The following MINDY2 variants were observed in gnomAD, a reference collection of about 807,000 sequenced individuals.
MINDY2 encodes ubiquitin carboxyl-terminal hydrolase MINDY-2.
MINDY2 carries 52 observed loss-of-function variants against 68.2 expected under a neutral mutation model. The ratio of observed to expected loss-of-function variants is 0.76; its 90% confidence interval spans 0.61 to 0.96. The LOEUF (loss-of-function observed/expected upper bound fraction) is 0.96. Ranked by LOEUF, MINDY2 falls within the 40% of genes least tolerant of loss-of-function variation. The pLI, the probability that MINDY2 is intolerant of heterozygous loss-of-function variation, is 0.00. For missense variants in MINDY2, 881 were observed against 773.4 expected, an observed-to-expected ratio of 1.14 and a Z score of -1.65; for synonymous variants, 372 against 303.0, an observed-to-expected ratio of 1.23 and a Z score of -2.36.
At chr15:58,792,232 A>G (rs551379355) in intron 2 of MINDY2, among the ~76,000 whole-genome samples, 5 of 152,354 alleles carry the variant, frequency 3.3e-5, no homozygotes, top group Admixed American at 1.3e-4. Flanking sequence ...AAAAAGTTAA[A>G]CAGAATTACC....
In MINDY2 at chr15:58,844,201, T is replaced by G. The variant is rs1233593507; in HGVS notation, c.1369-3096T>G. Among the ~76,000 whole-genome samples the G allele has an allele frequency of 2.0e-5, 3 of 152,158 alleles. No homozygotes were observed. The East Asian group carries it at 5.8e-4, about 29-fold the overall frequency. On this transcript the variant is annotated intron_variant, in intron 6 of 8. Transcript: ENST00000559228. Reference sequence around the variant, plus strand: ...TGGGCCTAAACTAGTACTATAGTCATAGATATTTTGCTATTCTATGCTATA... The same window carrying G: ...TGGGCCTAAACTAGTACTATAGTCAGAGATATTTTGCTATTCTATGCTATA...
At chr15:58,838,491 A>T (rs1567070823) in intron 6 of MINDY2, among the ~76,000 whole-genome samples, 1 of 152,062 alleles carries the variant, frequency 6.6e-6, no homozygotes, top group African/African-American at 2.4e-5. Flanking sequence ...CTAGGGGCTT[A>T]TAATAATAAA....
intron 6 of MINDY2, among the ~76,000 whole-genome samples, chr15:58,834,405 C>G (rs1168845218): frequency 6.6e-6 from 1 of 152,122 alleles, no homozygotes; most frequent in African/African-American, 2.4e-5. Context: ...TTTAGTAAAG[C>G]TACTTCTACT....
At chr15:58,778,044 C>A (rs140258696) in intron 1 of MINDY2, among the ~76,000 whole-genome samples, 1 of 151,984 alleles carries the variant, frequency 6.6e-6, no homozygotes, top group Admixed American at 6.5e-5. Context: ...GAAGTTAAGC[C>A]AGAAGGTATA....
At chr15:58,836,663 G>A (rs2032008524) in intron 6 of MINDY2, among the ~76,000 whole-genome samples, 1 of 151,856 alleles carries the variant, frequency 6.6e-6, no homozygotes, top group Non-Finnish European at 1.5e-5. Context: ...CTGTCACCCA[G>A]GCTTGAGTGC....
chr15:58,804,484 T>C (rs1468481095), intron 3 of MINDY2, among the ~76,000 whole-genome samples: 2 of 151,970 alleles, frequency 1.3e-5, no homozygotes, highest in African/African-American at 4.8e-5. Flanking sequence ...CCTGAGAAAA[T>C]CTTGATTGAA....
chr15:58,808,736 C>T (rs2140970656), intron 3 of MINDY2, among the ~76,000 whole-genome samples: 1 of 152,292 alleles, frequency 6.6e-6, no homozygotes, highest in Middle Eastern at 3.4e-3. Flanking sequence ...TCCCGAGTAG[C>T]TGGGACTACA....
intron 5 of MINDY2, among the ~76,000 whole-genome samples, chr15:58,823,158 A>G (rs1227925744): frequency 1.5e-5 from 2 of 130,272 alleles, no homozygotes; most frequent in Non-Finnish European, 1.6e-5. Context: ...TTTTTTTGAT[A>G]CGGAGTTTCA....
At chr15:58,828,794 C>T (rs1455329940) in intron 5 of MINDY2, among the ~76,000 whole-genome samples, 3 of 151,796 alleles carry the variant, frequency 2.0e-5, no homozygotes, top group Non-Finnish European at 4.4e-5. Flanking sequence ...ATCTCCTGAC[C>T]TCATGATCCG....
intron 5 of MINDY2, among the ~76,000 whole-genome samples, chr15:58,823,215 G>A (rs999508611): frequency 6.8e-6 from 1 of 147,010 alleles, no homozygotes; most frequent in Non-Finnish European, 1.5e-5. Context: ...TCAGCTCACT[G>A]CAACCTCCGC....
At chr15:58,848,212 T>G (rs2032631709) in intron 7 of MINDY2, among the ~76,000 whole-genome samples, 1 of 152,136 alleles carries the variant, frequency 6.6e-6, no homozygotes. Flanking sequence ...TATGGTCATG[T>G]TAAACAGTTG....
At chr15:58,790,621 AAGTT>A (rs1306075642) in intron 2 of MINDY2, among the ~76,000 whole-genome samples, 1 of 152,176 alleles carries the variant, frequency 6.6e-6, no homozygotes, top group Admixed American at 6.5e-5. Context: ...ACTATTTAGG[AAGTT>A]ATTACAACTA....
At chr15:58,852,515 G>A (rs187083919) in intron 8 of MINDY2, among the ~76,000 whole-genome samples, 1 of 152,184 alleles carries the variant, frequency 6.6e-6, no homozygotes, top group Non-Finnish European at 1.5e-5. Context: ...AAGCCAATTT[G>A]GACGAAGTCC....
chr15:58,818,793 C>T (rs1287942160), intron 4 of MINDY2, among the ~76,000 whole-genome samples: 2 of 151,788 alleles, frequency 1.3e-5, no homozygotes, highest in Non-Finnish European at 2.9e-5. Flanking sequence ...GTGCCCACCA[C>T]CACGCCTGGC....
intron 6 of MINDY2, among the ~76,000 whole-genome samples, chr15:58,840,723 C>A (rs1226009702): frequency 6.7e-6 from 1 of 148,724 alleles, no homozygotes; most frequent in African/African-American, 2.5e-5. Context: ...GTGGTGTGAT[C>A]TCGGCTCAGT....
At chr15:58,784,379 A>G (rs1229688871) in intron 1 of MINDY2, among the ~76,000 whole-genome samples, 2 of 152,138 alleles carry the variant, frequency 1.3e-5, no homozygotes, top group African/African-American at 2.4e-5. Flanking sequence ...AGTAATATTT[A>G]TAGGGTAGGA....
intron 8 of MINDY2, among the ~76,000 whole-genome samples, chr15:58,853,668 A>G (rs1432103986): frequency 1.3e-5 from 2 of 151,740 alleles, no homozygotes; most frequent in Non-Finnish European, 2.9e-5. Flanking sequence ...AAAATATAAA[A>G]AATTAGCTGG....
intron 2 of MINDY2, among the ~76,000 whole-genome samples, chr15:58,797,025 G>T (rs1361002333): frequency 6.6e-6 from 1 of 152,054 alleles, no homozygotes; most frequent in Non-Finnish European, 1.5e-5. Flanking sequence ...AACCTGCACT[G>T]AAGAATATAG....
intron 3 of MINDY2, among the ~76,000 whole-genome samples, chr15:58,806,141 T>C (rs1223284353): frequency 2.0e-5 from 3 of 152,180 alleles, no homozygotes. Context: ...TGGCATGATC[T>C]CAGCTCAGTA....
Sources: gnomAD v4.1 joint callset for allele counts (sites outside exome capture counted in the v4.1 genomes callset) on GRCh38, gnomAD v4.1.1 for gene constraint, MANE v1.5 for transcripts, NCBI Gene and HGNC (gene_info 2026-07-23, HGNC 2026-07-21) for gene names.